DMRTC1: variants seen among roughly 807,000 people sequenced by gnomAD.
DMRTC1 encodes the protein DMRT like family C1.
For synonymous variants in DMRTC1, 7 were observed against 14.1 expected, an observed-to-expected ratio of 0.50 and a Z score of 1.13; for missense variants, 9 against 34.6, an observed-to-expected ratio of 0.26 and a Z score of 1.86.
intron 1 of DMRTC1, chrX:72,913,330 T>C: frequency 3.4e-6 from 2 of 594,989 alleles, no homozygotes; most frequent in Admixed American, 2.8e-5. Context: ...CCCCCTCTGA[T>C]GCTCCATGCC....
intron 6 of DMRTC1, 57 bp from the exon 7 acceptor site, chrX:72,872,621 C>T (rs2054775419): frequency 1.7e-6 from 2 of 1,199,983 alleles, no homozygotes; most frequent in Non-Finnish European, 2.2e-6. Context: ...CCTTCCAGAT[C>T]TACTCTTTTT....
intron 1 of DMRTC1, among the ~76,000 whole-genome samples, chrX:72,882,007 G>C (rs1285118476): frequency 1.8e-5 from 2 of 113,113 alleles, no homozygotes; most frequent in African/African-American, 6.4e-5. Flanking sequence ...CTCCCTTTGT[G>C]ATTAATAAGT....
chrX:72,872,602 T>C lies in DMRTC1; in HGVS notation c.467-38A>G, dbSNP rs2054775156. 4 of 1,196,123 alleles carry C rather than the reference T, an allele frequency of 3.3e-6. 1 individual carries two copies. The highest frequency in any genetic ancestry group is 3.7e-5 in the African/African-American group (2 of 54,354). On this transcript the variant is annotated intron_variant, in intron 6 of 6. Coordinates refer to ENST00000615063, the MANE Select transcript of DMRTC1 (RefSeq NM_033053.3). ...AGGAAGGGGCCAGAGCCAGGTCACA[T>C]CCACATCCCCTTCCAGATCTACTCT...
In DMRTC1 at chrX:72,882,088, T is replaced by C. The variant is rs1439595167; in HGVS notation, c.-94-6300A>G. Among the ~76,000 whole-genome samples the C allele has an allele frequency of 4.9e-5, 4 of 81,487 alleles. No individual in the cohort carries two copies. The East Asian group carries it at 1.9e-3, about 38-fold the overall frequency. The allele number at this position is 81,487 out of a possible 115,157, so 70.8% of individuals were successfully genotyped here. A position where few individuals can be genotyped will look rare whatever the true frequency, so the allele number is the denominator to read the frequency against. ...ACAGAATTTTACCTCTTGGCCTTAG[T>C]ATTCATTCAGGGCTCCTGCCCGATT... is the stretch of plus-strand genomic sequence containing the variant. On this transcript the variant is annotated intron_variant, in intron 1 of 6. Coordinates refer to ENST00000615063, the MANE Select transcript of DMRTC1 (RefSeq NM_033053.3).
intron 1 of DMRTC1, among the ~76,000 whole-genome samples, chrX:72,906,089 C>G (rs1179423902): frequency 2.8e-5 from 2 of 70,263 alleles, no homozygotes; most frequent in Admixed American, 1.7e-4. Context: ...TAAAAAGAAC[C>G]ATAAGAGACA....
intron 1 of DMRTC1, among the ~76,000 whole-genome samples, chrX:72,879,734 C>CCTTTCTTTCTTT (rs782282890): frequency 1.8e-5 from 2 of 113,474 alleles, no homozygotes; most frequent in African/African-American, 6.4e-5. Flanking sequence ...TCTTTCTTTT[C>CCTTTCTTTCTTT]CTTTCTTTCT....
At chrX:72,872,743 A>G (rs2054777379) in intron 6 of DMRTC1, among the ~76,000 whole-genome samples, 179 bp from the exon 7 acceptor site, 1 of 102,636 alleles carries the variant, frequency 9.7e-6, no homozygotes, top group Admixed American at 1.0e-4. Flanking sequence ...CAAAGCCACC[A>G]CAACTCTTTT....
At chrX:72,905,746 C>T (rs1161120027) in intron 1 of DMRTC1, among the ~76,000 whole-genome samples, 20 of 63,225 alleles carry the variant, frequency 3.2e-4, no homozygotes, top group African/African-American at 1.2e-3. Context: ...GTGATCCACC[C>T]GCCTCGGCCT....
rs140344040 is a variant in DMRTC1, at chrX:72,916,289, C to G, written c.-95+27286G>C. On this transcript the variant is annotated intron_variant, in intron 1 of 6. Coordinates refer to ENST00000615063, the MANE Select transcript of DMRTC1 (RefSeq NM_033053.3). ...GCACAAGAGGGAGCCAAGATACAGT[C>G]CCTGGTTGATCTGAGGCAAGGATCC... Among the ~76,000 whole-genome samples, 35 of 109,441 alleles carry G rather than the reference C, an allele frequency of 3.2e-4. No homozygotes were observed. In the South Asian group the frequency reaches 3.3e-3, roughly 10 times the overall value.
intron 4 of DMRTC1, among the ~76,000 whole-genome samples, 177 bp downstream of exon 4, chrX:72,874,648 T>G (rs1300693647): frequency 9.7e-6 from 1 of 103,397 alleles, no homozygotes; most frequent in Non-Finnish European, 1.9e-5. Flanking sequence ...CTTGCCCTCC[T>G]CCTTCTTCTC....
In DMRTC1 at chrX:72,872,548, T is replaced by C; in HGVS notation, c.483A>G (p.Lys161=). The C allele has an allele frequency of 9.8e-7, 1 of 1,024,869 alleles. No homozygotes were observed. The highest frequency in any genetic ancestry group is 1.3e-6 in the Non-Finnish European group (1 of 778,416). 84.5% of individuals were successfully genotyped at this position (1,024,869 alleles called of 1,213,427 possible). A position where few individuals can be genotyped will look rare whatever the true frequency, so the allele number is the denominator to read the frequency against. The part of the protein sequence containing the change: ...PCNPPAPAGD[K]GFQPPSPSLR... ...GAGAGGGGCTGGGAGGCTGGAATCCTTTATCTCCAGCAGGAGCTGTGGACA... is the reference window on the plus strand; with the variant it reads ...GAGAGGGGCTGGGAGGCTGGAATCCCTTATCTCCAGCAGGAGCTGTGGACA... The change falls in exon 7 of 7, where the codon AAA becomes AAG. Residue 161 remains lysine (K), a synonymous_variant. Coordinates refer to ENST00000615063, the MANE Select transcript of DMRTC1 (RefSeq NM_033053.3).
intron 1 of DMRTC1, among the ~76,000 whole-genome samples, chrX:72,879,646 A>G (rs1276658302): frequency 9.6e-6 from 1 of 104,002 alleles, no homozygotes; most frequent in Non-Finnish European, 2.0e-5. Context: ...TTTTTCCAAA[A>G]CCTTCAGCCA....
chrX:72,874,942 G>T lies in DMRTC1; in HGVS notation c.140C>A (p.Ala47Asp), dbSNP rs200698413. Residue 47 changes from alanine to aspartate, a missense_variant, in exon 4 of 7, where the codon GCT (alanine) becomes GAT (aspartate). By Grantham distance (126) the Ala-to-Asp change is moderately radical (BLOSUM62 -2). Transcript: ENST00000615063. The stretch of plus-strand genomic sequence containing the variant: ...TTCTGGGGCCTGGCCAAGCAGCAGA[G>T]CCCCTTGGGAGCTCCCCTGCAGGGG... ...TAPEEGSSQG[A>D]LLLGQAPEPL... 8.3e-6 allele frequency: 2 copies of T among 242,079 alleles called. No individual in the cohort carries two copies. The highest frequency in any genetic ancestry group is 1.3e-4 in the South Asian group (2 of 15,823). The allele number at this position is 242,079 out of a possible 1,213,427, so 20.0% of individuals were successfully genotyped here. A position where few individuals can be genotyped will look rare whatever the true frequency, so the allele number is the denominator to read the frequency against.
intron 1 of DMRTC1, among the ~76,000 whole-genome samples, chrX:72,880,696 C>CT (rs1207395644): frequency 0.012 from 39 of 3,347 alleles, 14 homozygotes; most frequent in Non-Finnish European, 0.04. Context: ...TTCTTTCTTT[C>CT]TTTTTTTTTT....
chrX:72,913,368 G>A (rs1463468171), intron 1 of DMRTC1: 8 of 483,203 alleles, frequency 1.7e-5, no homozygotes, highest in African/African-American at 8.0e-5. Flanking sequence ...CCCGGTCACC[G>A]GGCCTGAAAT....
chrX:72,872,656 T>A (rs1328507087), intron 6 of DMRTC1, 92 bp from the exon 7 acceptor site: 35 of 1,147,597 alleles, frequency 3.0e-5, no homozygotes, highest in Non-Finnish European at 3.8e-5. Context: ...ACCAAAGATT[T>A]GTCACCTGGA....
At chrX:72,905,919 G>C (rs1426425030) in intron 1 of DMRTC1, among the ~76,000 whole-genome samples, 1 of 113,911 alleles carries the variant, frequency 8.8e-6, no homozygotes, top group Non-Finnish European at 1.9e-5. Flanking sequence ...GGGAATAGAA[G>C]ACCACAGGAA....
chrX:72,872,405 G>A lies in DMRTC1; in HGVS notation c.*47C>T, dbSNP rs1556350938. The A allele has an allele frequency of 1.4e-6, 1 of 724,336 alleles. No individual in the cohort carries two copies. Among genetic ancestry groups the A allele is most frequent in the East Asian group, 4.5e-5 (1 of 22,151 alleles). 59.7% of individuals were successfully genotyped at this position (724,336 alleles called of 1,213,427 possible). ...TAACCATTTTGCACATTCAGAAACT[G>A]GATACCAAATAGGCAGTGCTCTATT... On this transcript the variant is annotated 3_prime_UTR_variant, in exon 7 of 7. Transcript: ENST00000615063.
At chrX:72,886,919 G>C in intron 1 of DMRTC1, among the ~76,000 whole-genome samples, 1 of 95,512 alleles carries the variant, frequency 1.0e-5, no homozygotes, top group Non-Finnish European at 2.1e-5. Context: ...TTTTATCAGT[G>C]TCTTGAAGTT....
Sources: gnomAD v4.1 joint callset for allele counts (sites outside exome capture counted in the v4.1 genomes callset) on GRCh38, gnomAD v4.1.1 for gene constraint, MANE v1.5 for transcripts, NCBI Gene and HGNC (gene_info 2026-07-23, HGNC 2026-07-21) for gene names.